ERBB4: variants seen among roughly 807,000 people sequenced by gnomAD.
The protein encoded by ERBB4 is receptor tyrosine-protein kinase erbB-4.
Under a neutral mutation model 158.0 loss-of-function variants are expected in ERBB4, and 42 were observed. That is an observed-to-expected ratio of 0.27 (90% CI 0.21 to 0.34). ERBB4 has a LOEUF of 0.34. Ranked by LOEUF, ERBB4 falls within the 10% of genes least tolerant of loss-of-function variation. The pLI is 1.00. For missense variants in ERBB4, 1,333 were observed against 1,624.1 expected, an observed-to-expected ratio of 0.82 and a Z score of 3.08; for synonymous variants, 583 against 558.7, an observed-to-expected ratio of 1.04 and a Z score of -0.61.
intron 1 of ERBB4, among the ~76,000 whole-genome samples, chr2:212,357,510 T>G (rs570102942): frequency 6.6e-6 from 1 of 151,832 alleles, no homozygotes; most frequent in Non-Finnish European, 1.5e-5. Flanking sequence ...AAATATACAA[T>G]AAAAATAAGC....
intron 20 of ERBB4, among the ~76,000 whole-genome samples, chr2:211,548,658 A>G (rs1425945927): frequency 6.6e-6 from 1 of 152,030 alleles, no homozygotes. Context: ...CTCTGACACC[A>G]AGAACCGTGA....
intron 1 of ERBB4, among the ~76,000 whole-genome samples, chr2:212,228,971 C>T (rs2083571611): frequency 6.6e-6 from 1 of 152,168 alleles, no homozygotes. Context: ...GAACTGGAAT[C>T]TCTGTACTTG....
chr2:212,222,749 T>C (rs2083336054), intron 1 of ERBB4, among the ~76,000 whole-genome samples: 1 of 151,538 alleles, frequency 6.6e-6, no homozygotes, highest in African/African-American at 2.4e-5. Context: ...ACCTTCATAG[T>C]TGTTACTAAT....
intron 20 of ERBB4, among the ~76,000 whole-genome samples, chr2:211,487,477 A>G (rs1158993604): frequency 2.0e-5 from 3 of 152,108 alleles, no homozygotes; most frequent in Non-Finnish European, 2.9e-5. Flanking sequence ...CTATTAATAA[A>G]TATTTTGGCA....
chr2:212,473,739 C>T (rs1384288), intron 1 of ERBB4, among the ~76,000 whole-genome samples: 6,040 of 152,044 alleles, frequency 0.04, 414 homozygotes, highest in African/African-American at 0.14. Context: ...CTACAGCTTA[C>T]TGATATTGGA....
chr2:212,180,533 T>G (rs187955735), intron 1 of ERBB4, among the ~76,000 whole-genome samples: 3 of 151,786 alleles, frequency 2.0e-5, no homozygotes, highest in South Asian at 4.1e-4. Flanking sequence ...TTTATATTTA[T>G]AGGTCACCCC....
chr2:211,383,539 A>C lies in ERBB4; in HGVS notation c.*76T>G. 1.6e-6 allele frequency: 2 copies of C among 1,239,108 alleles called. No individual in the cohort carries two copies. Among genetic ancestry groups the C allele is most frequent in the South Asian group, 2.4e-5 (2 of 81,964 alleles). 76.8% of individuals were successfully genotyped at this position (1,239,108 alleles called of 1,614,324 possible). A position where few individuals can be genotyped will look rare whatever the true frequency, so the allele number is the denominator to read the frequency against. ...AACTACTGGCCTTGGGGTAGAAGGA[A>C]GACCACCAGAGAAAGAGAGGGGGGT... On this transcript the variant is annotated 3_prime_UTR_variant, in exon 28 of 28. Coordinates refer to ENST00000342788, the MANE Select transcript of ERBB4 (RefSeq NM_005235.3).
chr2:211,596,066 A>T (rs917798688), intron 19 of ERBB4, among the ~76,000 whole-genome samples: 1 of 152,224 alleles, frequency 6.6e-6, no homozygotes, highest in Non-Finnish European at 1.5e-5. Flanking sequence ...TCATATTTCA[A>T]GAAAATTATA....
intron 25 of ERBB4, among the ~76,000 whole-genome samples, chr2:211,398,009 T>TAACA (rs372564342): frequency 8.3e-4 from 126 of 151,760 alleles, no homozygotes; most frequent in Middle Eastern, 3.4e-3. Context: ...CCCATATAAC[T>TAACA]AACAGCTGCC....
intron 1 of ERBB4, among the ~76,000 whole-genome samples, chr2:212,364,527 T>C (rs531670791): frequency 1.3e-5 from 2 of 151,880 alleles, no homozygotes; most frequent in South Asian, 2.1e-4. Flanking sequence ...CTCATACTTA[T>C]TTTTCCCCCT....
rs150297382 is a variant in ERBB4, at chr2:211,684,214, G to T, written c.1490-5030C>A. On this transcript the variant is annotated intron_variant, in intron 12 of 27. Coordinates refer to ENST00000342788, the MANE Select transcript of ERBB4 (RefSeq NM_005235.3). ...TGCCTATAATCCCAGCATTTTGAGAGGCCAAAGCTGGTGGATCATCTGAAG... is the reference window on the plus strand; with the variant it reads ...TGCCTATAATCCCAGCATTTTGAGATGCCAAAGCTGGTGGATCATCTGAAG... Among the ~76,000 whole-genome samples the T allele has an allele frequency of 7.8e-3, 1,182 of 152,214 alleles. 5 individuals carry two copies. Among genetic ancestry groups the T allele is most frequent in the Non-Finnish European group, 0.012 (841 of 68,024 alleles).
chr2:212,225,835 C>G, intron 1 of ERBB4, among the ~76,000 whole-genome samples: 1 of 151,924 alleles, frequency 6.6e-6, no homozygotes, highest in East Asian at 1.9e-4. Context: ...TCAGATGACC[C>G]CCAAGAATCC....
intron 1 of ERBB4, among the ~76,000 whole-genome samples, chr2:212,254,973 C>G (rs543716064): frequency 1.3e-5 from 2 of 152,268 alleles, no homozygotes; most frequent in East Asian, 3.9e-4. Context: ...AGGAGTAATT[C>G]ATTCTACATT....
chr2:211,657,861 C>A (rs765746806), intron 15 of ERBB4, 33 bp from the exon 16 acceptor site: 5 of 1,608,536 alleles, frequency 3.1e-6, no homozygotes, highest in Admixed American at 1.7e-5. Flanking sequence ...AAACATCATT[C>A]TCCATCCACA....
At chr2:212,264,122 A>G (rs1454871524) in intron 1 of ERBB4, among the ~76,000 whole-genome samples, 1 of 152,146 alleles carries the variant, frequency 6.6e-6, no homozygotes, top group Non-Finnish European at 1.5e-5. Flanking sequence ...GCTCCACAGA[A>G]AGGGGCTAAG....
intron 20 of ERBB4, among the ~76,000 whole-genome samples, chr2:211,550,231 GC>G (rs2067049825): frequency 6.6e-6 from 1 of 151,784 alleles, no homozygotes; most frequent in African/African-American, 2.4e-5. Flanking sequence ...ATCATTGTTA[GC>G]AATAGTCACC....
chr2:212,340,601 C>G (rs1354269839), intron 1 of ERBB4, among the ~76,000 whole-genome samples: 1 of 152,140 alleles, frequency 6.6e-6, no homozygotes, highest in African/African-American at 2.4e-5. Context: ...GGTTTGCACT[C>G]CTATGAGAAT....
At chr2:212,157,107 G>A (rs537559413) in intron 1 of ERBB4, among the ~76,000 whole-genome samples, 1 of 152,022 alleles carries the variant, frequency 6.6e-6, no homozygotes, top group Non-Finnish European at 1.5e-5. Context: ...TCTTAAAATG[G>A]CATATCAGAC....
chr2:212,275,744 C>G (rs564853636), intron 1 of ERBB4, among the ~76,000 whole-genome samples: 1 of 151,756 alleles, frequency 6.6e-6, no homozygotes, highest in Admixed American at 6.6e-5. Flanking sequence ...TAAAGACCAT[C>G]GACACTATAA....
Sources: allele counts gnomAD v4.1 joint callset (sites outside exome capture counted in the v4.1 genomes callset), GRCh38; gene constraint gnomAD v4.1.1; transcripts MANE v1.5; gene names NCBI Gene and HGNC (gene_info 2026-07-23, HGNC 2026-07-21).